The following RAD51B variants were observed in gnomAD, a reference collection of about 807,000 sequenced individuals.
The protein encoded by RAD51B is DNA repair protein RAD51 homolog 2.
Under a neutral mutation model 42.2 loss-of-function variants are expected in RAD51B, and 38 were observed. The observed-to-expected ratio is 0.90, with a 90% CI of 0.70 to 1.18. The LOEUF is 1.18. Ranked by LOEUF, RAD51B falls within the 50% of genes most tolerant of loss-of-function variation. The pLI, the probability that RAD51B is intolerant of heterozygous loss-of-function variation, is 0.00. For synonymous variants in RAD51B, 154 were observed against 145.2 expected, an observed-to-expected ratio of 1.06 and a Z score of -0.43; for missense variants, 373 against 400.7, an observed-to-expected ratio of 0.93 and a Z score of 0.59.
intron 7 of RAD51B, among the ~76,000 whole-genome samples, chr14:68,219,477 A>G (rs2767375): frequency 1.8e-4 from 28 of 152,266 alleles, no homozygotes; most frequent in Admixed American, 3.3e-4. Context: ...AGGTACTGGT[A>G]TCCTCGGCTG....
At chr14:67,887,345 G>A (rs1044649276) in intron 7 of RAD51B, 141 bp downstream of exon 7, 2 of 601,870 alleles carry the variant, frequency 3.3e-6, no homozygotes, top group African/African-American at 1.9e-5. Context: ...CAGTCTAATT[G>A]CTATAGCAAA....
chr14:68,496,889 G>T (rs992584063), intron 10 of RAD51B, among the ~76,000 whole-genome samples: 2 of 152,184 alleles, frequency 1.3e-5, no homozygotes, highest in African/African-American at 4.8e-5. Flanking sequence ...CATGTCCCCA[G>T]TTCTCCCTAT....
At chr14:67,936,873 A>G (rs1022268123) in intron 7 of RAD51B, among the ~76,000 whole-genome samples, 21 of 152,154 alleles carry the variant, frequency 1.4e-4, no homozygotes, top group Admixed American at 3.3e-4. Flanking sequence ...CCATTTGTAT[A>G]TCTCTTTTGG....
At chr14:68,075,209 G>C (rs2076812731) in intron 7 of RAD51B, among the ~76,000 whole-genome samples, 1 of 152,196 alleles carries the variant, frequency 6.6e-6, no homozygotes, top group Non-Finnish European at 1.5e-5. Context: ...GTGACAAACA[G>C]AGGGGAGTGA....
chr14:67,919,306 T>C (rs182567406), intron 7 of RAD51B, among the ~76,000 whole-genome samples: 1 of 152,250 alleles, frequency 6.6e-6, no homozygotes, highest in East Asian at 1.9e-4. Context: ...TGTGAAGGAT[T>C]CTCGAGCTGA....
rs145185862 is a variant in RAD51B, at chr14:68,506,537, A to G, written c.1036+38287A>G. On this transcript the variant is annotated intron_variant, in intron 10 of 10. Transcript: ENST00000487270. Reference sequence around the variant, plus strand: ...GGAATGTGGCTGTGCGTGCGCGTGCATGTGTGCGTGCACGCCGGTGCACAC... The same window carrying G: ...GGAATGTGGCTGTGCGTGCGCGTGCGTGTGTGCGTGCACGCCGGTGCACAC... Among the ~76,000 whole-genome samples, 170 of 152,336 alleles carry G rather than the reference A, an allele frequency of 1.1e-3. 1 individual carries two copies. The East Asian group carries it at 0.022, about 20-fold the overall frequency.
intron 9 of RAD51B, among the ~76,000 whole-genome samples, chr14:68,441,794 T>C (rs1369341997): frequency 6.6e-6 from 1 of 152,202 alleles, no homozygotes; most frequent in Admixed American, 6.5e-5. Context: ...TCTGGTTCTA[T>C]GAAGAAGAAG....
At chr14:68,435,890 GA>G (rs2085137476) in intron 9 of RAD51B, among the ~76,000 whole-genome samples, 1 of 151,956 alleles carries the variant, frequency 6.6e-6, no homozygotes, top group African/African-American at 2.4e-5. Flanking sequence ...TTTGCTTGTT[GA>G]ATTGTTTAAG....
In RAD51B at chr14:68,425,936, T is replaced by TTTTCTTTCTTTCTTTCTTTCTTTCTTTC. The variant is rs56847254; in HGVS notation, c.957+14424_957+14451dup. On this transcript the variant is annotated intron_variant, in intron 9 of 10. Coordinates refer to ENST00000471583, the MANE Select transcript of RAD51B (RefSeq NM_133510.4). ...AAATAGAGACAGTAAAGGCCATTCT[T>TTTTCTTTCTTTCTTTCTTTCTTTCTTTC]TTTCTTTCTTTCTTTCTTTCTTTCT... Among the ~76,000 whole-genome samples, 226 of 73,846 alleles carry TTTTCTTTCTTTCTTTCTTTCTTTCTTTC rather than the reference T, an allele frequency of 3.1e-3. 13 individuals are homozygous for TTTTCTTTCTTTCTTTCTTTCTTTCTTTC. The highest frequency in any genetic ancestry group is 4.4e-3 in the Admixed American group (31 of 7,040). The allele number at this position is 73,846 out of a possible 152,430, so 48.4% of individuals were successfully genotyped here. A position where few individuals can be genotyped will look rare whatever the true frequency, so the allele number is the denominator to read the frequency against.
intron 10 of RAD51B, among the ~76,000 whole-genome samples, chr14:68,583,163 A>G (rs1369562388): frequency 6.6e-6 from 1 of 152,162 alleles, no homozygotes; most frequent in Admixed American, 6.5e-5. Flanking sequence ...AAATAAAAAA[A>G]ATTTAAAAAA....
chr14:68,469,866 TC>T (rs1390363834), intron 10 of RAD51B, among the ~76,000 whole-genome samples: 2 of 152,236 alleles, frequency 1.3e-5, no homozygotes, highest in African/African-American at 4.8e-5. Context: ...CGCACCCTGA[TC>T]ACTAGGCATT....
chr14:68,590,743 C>G (rs777329979), intron 10 of RAD51B, among the ~76,000 whole-genome samples: 18 of 152,144 alleles, frequency 1.2e-4, no homozygotes, highest in Admixed American at 5.2e-4. Flanking sequence ...GCCCTTCTTC[C>G]TAGGAGGGCA....
intron 7 of RAD51B, among the ~76,000 whole-genome samples, chr14:68,288,336 A>C (rs540689773): frequency 6.6e-6 from 1 of 152,376 alleles, no homozygotes; most frequent in African/African-American, 2.4e-5. Context: ...CATGATTAGC[A>C]AAGCCCTGAG....
chr14:68,439,669 G>T (rs2085238950), intron 9 of RAD51B, among the ~76,000 whole-genome samples: 1 of 152,196 alleles, frequency 6.6e-6, no homozygotes, highest in Admixed American at 6.5e-5. Context: ...AAACATTTGT[G>T]CTGTGCTTCC....
intron 7 of RAD51B, among the ~76,000 whole-genome samples, chr14:68,252,125 C>T (rs1220937961): frequency 1.3e-5 from 2 of 152,186 alleles, no homozygotes; most frequent in African/African-American, 4.8e-5. Context: ...ATCCTACAGC[C>T]TGCAGGAGTT....
At chr14:68,617,577 A>G (rs995339968) in intron 10 of RAD51B, among the ~76,000 whole-genome samples, 1 of 152,188 alleles carries the variant, frequency 6.6e-6, no homozygotes, top group South Asian at 2.1e-4. Context: ...TCTGCCCCAC[A>G]GTTTCCAACT....
intron 11 of RAD51B, among the ~76,000 whole-genome samples, chr14:68,667,560 G>A (rs1893058243): frequency 1.3e-5 from 2 of 152,176 alleles, no homozygotes; most frequent in Admixed American, 6.5e-5. Flanking sequence ...ACATCCAGCT[G>A]GAGCCAATAT....
chr14:67,897,706 A>G (rs2043470537), intron 7 of RAD51B, among the ~76,000 whole-genome samples: 2 of 151,456 alleles, frequency 1.3e-5, no homozygotes, highest in Non-Finnish European at 2.9e-5. Context: ...CTGGAGTGCA[A>G]TGGCGCCATC....
chr14:68,175,939 C>T (rs1279525970), intron 7 of RAD51B, among the ~76,000 whole-genome samples: 1 of 152,174 alleles, frequency 6.6e-6, no homozygotes, highest in Non-Finnish European at 1.5e-5. Flanking sequence ...TTCAAATTTG[C>T]AATATCTTTC....
Sources: allele counts gnomAD v4.1 joint callset (sites outside exome capture counted in the v4.1 genomes callset), GRCh38; gene constraint gnomAD v4.1.1; transcripts MANE v1.5; gene names NCBI Gene and HGNC (gene_info 2026-07-23, HGNC 2026-07-21).